CNTLN: variants seen among roughly 807,000 people sequenced by gnomAD.
CNTLN encodes centlein, centrosomal protein.
Under a neutral mutation model 180.0 loss-of-function variants are expected in CNTLN, and 212 were observed. The ratio of observed to expected loss-of-function variants is 1.18; its 90% CI spans 1.05 to 1.32. CNTLN has a LOEUF of 1.32. Ranked by LOEUF, CNTLN falls within the 40% of genes most tolerant of loss-of-function variation. The pLI, the probability that CNTLN is intolerant of heterozygous loss-of-function variation, is 0.00. For synonymous variants in CNTLN, 722 were observed against 563.1 expected, an observed-to-expected ratio of 1.28 and a Z score of -3.99; for missense variants, 2,095 against 1,610.9, an observed-to-expected ratio of 1.30 and a Z score of -5.14.
At chr9:17,334,068 T>TAG (rs1820820447) in intron 10 of CNTLN, among the ~76,000 whole-genome samples, 1 of 152,124 alleles carries the variant, frequency 6.6e-6, no homozygotes, top group Non-Finnish European at 1.5e-5. Context: ...TAATTTTTTT[T>TAG]CTTTCCCTTG....
At chr9:17,356,142 G>T (rs114498954) in intron 12 of CNTLN, among the ~76,000 whole-genome samples, 29 of 151,760 alleles carry the variant, frequency 1.9e-4, no homozygotes, top group African/African-American at 6.8e-4. Context: ...GAGCAAATCA[G>T]AATATTAAGG....
rs1828125315 is a variant in CNTLN, at chr9:17,274,013, T to C, written c.983+147T>C. 3.1e-5 allele frequency: 20 copies of C among 641,902 alleles called. No individual in the cohort carries two copies. In the South Asian group the frequency reaches 5.7e-4, roughly 18 times the overall value. The allele number at this position is 641,902 out of a possible 1,614,324, so 39.8% of individuals were successfully genotyped here. A position where few individuals can be genotyped will look rare whatever the true frequency, so the allele number is the denominator to read the frequency against. On this transcript the variant is annotated intron_variant, in intron 6 of 25. Coordinates refer to ENST00000380647, the MANE Select transcript of CNTLN (RefSeq NM_017738.4). ...TTTGTGCATTGAGAATCTGGAGTTA[T>C]TTACACTAACTTGAAAAATTGCCTG...
chr9:17,379,019 A>C (rs1714637148), intron 13 of CNTLN, among the ~76,000 whole-genome samples: 1 of 151,612 alleles, frequency 6.6e-6, no homozygotes, highest in Admixed American at 6.6e-5. Context: ...TTTGAAAGGT[A>C]TTTTCAGTAA....
chr9:17,432,315 T>A (rs1454004307), intron 18 of CNTLN, among the ~76,000 whole-genome samples: 1 of 152,188 alleles, frequency 6.6e-6, no homozygotes, highest in African/African-American at 2.4e-5. Flanking sequence ...CCTGATGTAT[T>A]TGAAAAGAAC....
chr9:17,252,667 T>C (rs1802117445), intron 5 of CNTLN, among the ~76,000 whole-genome samples: 2 of 151,830 alleles, frequency 1.3e-5, no homozygotes, highest in Admixed American at 1.3e-4. Context: ...GCAAGTATTT[T>C]AACTCATTCA....
intron 6 of CNTLN, among the ~76,000 whole-genome samples, chr9:17,282,844 A>G (rs1828748488): frequency 1.3e-5 from 2 of 152,146 alleles, no homozygotes; most frequent in Non-Finnish European, 2.9e-5. Context: ...TTAAATAGAG[A>G]ATCCTTTCCC....
At chr9:17,142,174 G>A (rs1335712910) in intron 1 of CNTLN, among the ~76,000 whole-genome samples, 2 of 151,798 alleles carry the variant, frequency 1.3e-5, no homozygotes, top group Admixed American at 6.6e-5. Flanking sequence ...TAGGTGGGCC[G>A]CATGCAGCCC....
chr9:17,289,645 C>G (rs1175606764), intron 6 of CNTLN, among the ~76,000 whole-genome samples: 1 of 127,960 alleles, frequency 7.8e-6, no homozygotes, highest in African/African-American at 3.4e-5. Context: ...TTCAGGTACA[C>G]CAATCAGACG....
intron 7 of CNTLN, among the ~76,000 whole-genome samples, chr9:17,306,586 G>A (rs998192446): frequency 6.6e-6 from 1 of 152,144 alleles, no homozygotes; most frequent in Non-Finnish European, 1.5e-5. Context: ...CAAGAGTAGG[G>A]TATACCACAT....
chr9:17,248,526 A>G (rs978078411), intron 5 of CNTLN, among the ~76,000 whole-genome samples: 1 of 139,804 alleles, frequency 7.2e-6, no homozygotes, highest in Non-Finnish European at 1.5e-5. Flanking sequence ...ATTTATAAAT[A>G]TTTATAATTA....
chr9:17,240,834 G>A (rs575202476), intron 5 of CNTLN, among the ~76,000 whole-genome samples: 2 of 152,138 alleles, frequency 1.3e-5, no homozygotes, highest in East Asian at 3.9e-4. Flanking sequence ...CCAATGTCCT[G>A]TAGAGTTCCT....
At chr9:17,456,853 C>T (rs76158279) in intron 18 of CNTLN, among the ~76,000 whole-genome samples, 15,156 of 152,108 alleles carry the variant, frequency 0.1, 1,031 homozygotes, top group Non-Finnish European at 0.14. Context: ...TTCTTTTATA[C>T]TCCTTCATAA....
intron 5 of CNTLN, among the ~76,000 whole-genome samples, chr9:17,238,105 C>G (rs182018426): frequency 2.6e-4 from 39 of 151,944 alleles, no homozygotes; most frequent in African/African-American, 8.9e-4. Flanking sequence ...ACATTTTTTT[C>G]TCATGGGGTT....
chr9:17,429,185 A>G (rs971313424), intron 18 of CNTLN, among the ~76,000 whole-genome samples: 1 of 152,096 alleles, frequency 6.6e-6, no homozygotes, highest in Admixed American at 6.5e-5. Context: ...AAATATACAT[A>G]AGCAGATTCA....
At chr9:17,470,099 T>G (rs1443208356) in intron 23 of CNTLN, among the ~76,000 whole-genome samples, 3 of 151,944 alleles carry the variant, frequency 2.0e-5, no homozygotes, top group Non-Finnish European at 4.4e-5. Flanking sequence ...ACTTGTATTT[T>G]TCTTTCTGTT....
intron 18 of CNTLN, among the ~76,000 whole-genome samples, chr9:17,435,077 C>T (rs942914674): frequency 6.6e-6 from 1 of 152,116 alleles, no homozygotes; most frequent in Non-Finnish European, 1.5e-5. Flanking sequence ...TTCTGTATTG[C>T]AAGATAATAT....
At chr9:17,349,490 C>G (rs1822186133) in intron 12 of CNTLN, among the ~76,000 whole-genome samples, 1 of 152,102 alleles carries the variant, frequency 6.6e-6, no homozygotes. Context: ...TAAAAGTTAA[C>G]TTTTAAAGAC....
Position 17,394,611 on chromosome 9 carries a change from G to C in CNTLN, c.2157G>C (p.Met719Ile). ...RKLKEGNKKL[M>I]KENDFLKSLL... ...TAAAAGAAGGGAATAAAAAATTAATGAAAGAAAATGATTTTCTGAAATCCC... is the reference window on the plus strand; with the variant it reads ...TAAAAGAAGGGAATAAAAAATTAATCAAAGAAAATGATTTTCTGAAATCCC... Residue 719 changes from methionine to isoleucine, a missense_variant, in exon 15 of 26, where the codon ATG (methionine) becomes ATC (isoleucine). Physicochemically the swap from Met to Ile is conservative, Grantham distance 10 (BLOSUM62 1). Transcript: ENST00000380647. 2 of 1,596,264 alleles carry C rather than the reference G, an allele frequency of 1.3e-6. No homozygotes were observed. The highest frequency in any genetic ancestry group is 1.7e-6 in the Non-Finnish European group (2 of 1,175,490).
intron 5 of CNTLN, 56 bp downstream of exon 5, chr9:17,236,644 A>T (rs1237124943): frequency 7.3e-7 from 1 of 1,362,842 alleles, no homozygotes; most frequent in African/African-American, 1.5e-5. Flanking sequence ...TTTTCTAGGA[A>T]GTTTAATACA....
Sources: allele counts gnomAD v4.1 joint callset (sites outside exome capture counted in the v4.1 genomes callset), GRCh38; gene constraint gnomAD v4.1.1; transcripts MANE v1.5; gene names NCBI Gene and HGNC (gene_info 2026-07-23, HGNC 2026-07-21).